Variants in LCOR observed in about 807,000 individuals in gnomAD.
LCOR encodes the protein ligand dependent nuclear receptor corepressor.
Under a neutral mutation model 64.4 loss-of-function variants are expected in LCOR, and 14 were observed. The observed-to-expected ratio is 0.22, with a 90% confidence interval of 0.14 to 0.34. The LOEUF (loss-of-function observed/expected upper bound fraction) is 0.34, where lower values mean the gene tolerates loss of function less well. LCOR is among the 10% of genes least tolerant of loss of function. The pLI is 1.00. For synonymous variants in LCOR, 643 were observed against 642.5 expected (o/e 1.00, Z -0.01); for missense variants, 1,686 against 1,765.3 (o/e 0.96, Z 0.80).
At chr10:96,847,673 C>T (rs1845656100) in intron 2 of LCOR, among the ~76,000 whole-genome samples, 2 of 152,292 alleles carry the variant, frequency 1.3e-5, no homozygotes, top group Middle Eastern at 3.4e-3. Flanking sequence ...AACTCCCGAC[C>T]TCAGGTGATC....
intron 2 of LCOR, among the ~76,000 whole-genome samples, chr10:96,897,886 T>G (rs1403114951): frequency 3.5e-5 from 5 of 144,006 alleles, no homozygotes; most frequent in African/African-American, 7.9e-5. Flanking sequence ...TTTTTTTTTT[T>G]GTTTGGTCAG....
chr10:96,889,936 G>A (rs1018240099), intron 2 of LCOR, among the ~76,000 whole-genome samples: 11 of 152,280 alleles, frequency 7.2e-5, no homozygotes, highest in Admixed American at 4.6e-4. Context: ...GGAGTGGAAT[G>A]CTGGGTCATT....
intron 2 of LCOR, among the ~76,000 whole-genome samples, chr10:96,891,530 CTTTTTTTTTTTTTTTT>C (rs71007307): frequency 5.5e-3 from 42 of 7,642 alleles, no homozygotes; most frequent in African/African-American, 0.015. Flanking sequence ...TGTCTTGACT[CTTTTTTTTTTTTTTTT>C]TTTTTTTTTT....
chr10:96,866,676 G>A (rs1845979443), intron 2 of LCOR, among the ~76,000 whole-genome samples: 1 of 152,162 alleles, frequency 6.6e-6, no homozygotes, highest in Non-Finnish European at 1.5e-5. Context: ...CCAGGTTCAA[G>A]CAATTCTCCT....
intron 2 of LCOR, among the ~76,000 whole-genome samples, chr10:96,905,928 T>C (rs1195791882): frequency 6.6e-6 from 1 of 152,042 alleles, no homozygotes; most frequent in African/African-American, 2.4e-5. Flanking sequence ...GGCAAAGAAA[T>C]CCCTTACATT....
At chr10:96,881,517 C>T (rs761309911) in intron 2 of LCOR, among the ~76,000 whole-genome samples, 41 of 150,938 alleles carry the variant, frequency 2.7e-4, no homozygotes, top group Non-Finnish European at 1.5e-4. Context: ...AGTGCAGTGG[C>T]GCAGTCTCAG....
At chr10:96,955,061 A>G (rs762953875) in intron 7 of LCOR, 1 of 1,614,174 alleles carries the variant, frequency 6.2e-7, no homozygotes, top group Non-Finnish European at 8.5e-7. Flanking sequence ...GACACTCCAC[A>G]TCACTCAAAG....
rs1485044580 is a variant in LCOR, at chr10:96,985,061, C to G, written c.4601C>G (p.Ala1534Gly). ...PSTKTPESSAAQRKRKLKAKL... is the reference protein window; with the variant it reads ...PSTKTPESSAGQRKRKLKAKL... ...ACGAAAACCCCAGAGAGCAGTGCAG[C>G]TCAGAGAAAGCGAAAGCTGAAGGCA... Residue 1534 changes from alanine (A) to glycine (G), a missense_variant, in exon 8 of 8, where the codon GCT becomes GGT. This residue lies in a region of LCOR where 1,293 missense variants were observed against 1,410.4 expected (regional missense o/e 0.92). Coordinates refer to ENST00000421806, the MANE Select transcript of LCOR (RefSeq NM_001346516.2). The G allele has an allele frequency of 1.2e-6, 2 of 1,614,060 alleles. No homozygotes were observed. The highest frequency in any genetic ancestry group is 8.5e-7 in the Non-Finnish European group (1 of 1,180,004).
intron 2 of LCOR, among the ~76,000 whole-genome samples, chr10:96,849,009 ATG>A (rs374177148): frequency 1.7e-5 from 1 of 58,912 alleles, no homozygotes; most frequent in African/African-American, 3.9e-5. Context: ...TGAGTTGAAA[ATG>A]TTTTTTTTTT....
chr10:96,869,297 C>G (rs1846031306), intron 2 of LCOR, among the ~76,000 whole-genome samples: 2 of 151,992 alleles, frequency 1.3e-5, no homozygotes, highest in South Asian at 2.1e-4. Flanking sequence ...ATTACAGCCT[C>G]CACCTTCTGG....
intron 7 of LCOR, among the ~76,000 whole-genome samples, chr10:96,972,893 T>G (rs1848010358): frequency 6.6e-6 from 1 of 152,172 alleles, no homozygotes; most frequent in African/African-American, 2.4e-5. Flanking sequence ...ACTTAGCAAT[T>G]ACAAAGGGAT....
intron 1 of LCOR, among the ~76,000 whole-genome samples, chr10:96,832,771 C>T (rs1030848922): frequency 6.6e-6 from 1 of 150,818 alleles, no homozygotes; most frequent in African/African-American, 2.4e-5. Flanking sequence ...ATTGTGGCGA[C>T]TCGCCTCGCG....
At position 96,989,454 on chromosome 10, in the gene LCOR, A is replaced by G. The variant is rs532252109; in HGVS notation, c.*4320A>G. 1 of 152,218 alleles carries G rather than the reference A, an allele frequency of 6.6e-6. No homozygotes were observed. The highest frequency in any genetic ancestry group is 1.5e-5 in the Non-Finnish European group (1 of 68,006). 9.4% of individuals were successfully genotyped at this position (152,218 alleles called of 1,614,324 possible). ...TTTCACAGAGTAGAAACAAAGTCTG[A>G]TCACAATCCCAAAGCTTTGTTTATT... On this transcript the variant is annotated 3_prime_UTR_variant, in exon 8 of 8. Coordinates refer to ENST00000421806, the MANE Select transcript of LCOR (RefSeq NM_001346516.2).
At position 96,991,224 on chromosome 10, in the gene LCOR, G is replaced by A. The variant is rs1848198448; in HGVS notation, c.*6090G>A. The A allele has an allele frequency of 6.6e-6, 1 of 151,858 alleles. No homozygotes were observed. The highest frequency in any genetic ancestry group is 1.5e-5 in the Non-Finnish European group (1 of 67,980). The allele number at this position is 151,858 out of a possible 1,614,324, so 9.4% of individuals were successfully genotyped here. Reference sequence around the variant, plus strand: ...TCCAGCAATTCTTTTAGATTTTAGAGTGTCTTGCCTGTTCATCTCAGTACA... The same window carrying A: ...TCCAGCAATTCTTTTAGATTTTAGAATGTCTTGCCTGTTCATCTCAGTACA... On this transcript the variant is annotated 3_prime_UTR_variant, in exon 8 of 8. Coordinates refer to ENST00000421806, the MANE Select transcript of LCOR (RefSeq NM_001346516.2).
intron 2 of LCOR, among the ~76,000 whole-genome samples, chr10:96,838,524 T>G (rs1845484809): frequency 6.6e-6 from 1 of 152,256 alleles, no homozygotes; most frequent in Non-Finnish European, 1.5e-5. Context: ...ATAATTTGTT[T>G]TCTGTTTCTG....
In LCOR at chr10:96,958,746, C is replaced by G. The variant is rs535152698; in HGVS notation, c.332+6550C>G. On this transcript the variant is annotated intron_variant, in intron 7 of 7. Transcript: ENST00000421806. ...AAGCATATTTCCTCCAAAGGTCTCT[C>G]TCTTTCTCTCTCTTTTTTTGAGTGT... is the stretch of plus-strand genomic sequence containing the variant. 6.4e-5 allele frequency: 18 copies of G among 280,808 alleles called. No homozygotes were observed. In the South Asian group the frequency reaches 1.2e-3, roughly 18 times the overall value. The allele number at this position is 280,808 out of a possible 1,614,324, so 17.4% of individuals were successfully genotyped here. A position where few individuals can be genotyped will look rare whatever the true frequency, so the allele number is the denominator to read the frequency against.
chr10:96,872,682 C>CA (rs1486130850), intron 2 of LCOR, among the ~76,000 whole-genome samples: 2 of 151,868 alleles, frequency 1.3e-5, no homozygotes, highest in African/African-American at 4.8e-5. Context: ...TAAAACAAAA[C>CA]AAAAAAACAG....
At chr10:96,906,712 A>G (rs1176473533) in intron 2 of LCOR, among the ~76,000 whole-genome samples, 1 of 152,170 alleles carries the variant, frequency 6.6e-6, no homozygotes, top group African/African-American at 2.4e-5. Flanking sequence ...ACCAGTACAT[A>G]GTTATTGTGG....
At chr10:96,969,938 C>T (rs1847983803) in intron 7 of LCOR, among the ~76,000 whole-genome samples, 1 of 137,024 alleles carries the variant, frequency 7.3e-6, no homozygotes, top group African/African-American at 2.7e-5. Context: ...CGCCATCACA[C>T]CTGGATAATT....
Sources: allele counts gnomAD v4.1 joint callset (sites outside exome capture counted in the v4.1 genomes callset), GRCh38; gene constraint gnomAD v4.1.1; regional missense constraint gnomAD v4.1.1; transcripts MANE v1.5; gene names NCBI Gene and HGNC (gene_info 2026-07-23, HGNC 2026-07-21).